Variants in MTAP observed in about 807,000 individuals in gnomAD.
The protein encoded by MTAP is methylthioadenosine phosphorylase.
In MTAP, 33 loss-of-function variants were observed where a neutral mutation model predicts 33.6. The ratio of observed to expected loss-of-function variants is 0.98; its 90% CI spans 0.74 to 1.31. The LOEUF is 1.31. MTAP is among the 40% of genes most tolerant of loss of function. The pLI, the probability that MTAP is intolerant of heterozygous loss-of-function variation, is 0.00. For missense variants in MTAP, 367 were observed against 360.0 expected, an observed-to-expected ratio of 1.02 and a Z score of -0.16; for synonymous variants, 148 against 125.7, an observed-to-expected ratio of 1.18 and a Z score of -1.19.
At chr9:21,881,379 G>C (rs939541908) in intron 1 of MTAP, among the ~76,000 whole-genome samples, 3 of 151,940 alleles carry the variant, frequency 2.0e-5, no homozygotes, top group African/African-American at 7.2e-5. Context: ...GACATCAAAA[G>C]CACAGGCAAC....
Position 21,863,945 on chromosome 9 carries a change from G to A in MTAP, c.*1931G>A. The A allele has an allele frequency of 1.0e-6, 1 of 985,742 alleles. No individual in the cohort carries two copies. The highest frequency in any genetic ancestry group is 1.2e-6 in the Non-Finnish European group (1 of 829,914). 61.1% of individuals were successfully genotyped at this position (985,742 alleles called of 1,614,324 possible). A position where few individuals can be genotyped will look rare whatever the true frequency, so the allele number is the denominator to read the frequency against. Reference sequence around the variant, plus strand: ...GATGTAGTATTAAATTTCAACTCTGGTTATCCATTAGCAATCTGTAGAGAA... The same window carrying A: ...GATGTAGTATTAAATTTCAACTCTGATTATCCATTAGCAATCTGTAGAGAA... On this transcript the variant is annotated 3_prime_UTR_variant, in exon 8 of 8. Coordinates refer to ENST00000644715, the MANE Select transcript of MTAP (RefSeq NM_002451.4).
chr9:21,869,769 C>T (rs776396202), downstream of MTAP, among the ~76,000 whole-genome samples: 1 of 152,170 alleles, frequency 6.6e-6, no homozygotes, highest in Non-Finnish European at 1.5e-5. Flanking sequence ...CTAGTCTGAG[C>T]CACTCTCATC....
chr9:21,939,085 A>G (rs989300225), downstream of MTAP, among the ~76,000 whole-genome samples: 4 of 152,270 alleles, frequency 2.6e-5, no homozygotes, highest in Middle Eastern at 3.4e-3. Flanking sequence ...TTCTCGTGAT[A>G]GTGAATAGGT....
In MTAP at chr9:21,802,870, C is replaced by A. The variant is rs940187727; in HGVS notation, c.33+89C>A. 2.6e-6 allele frequency: 4 copies of A among 1,547,020 alleles called. No homozygotes were observed. In the African/African-American group the frequency reaches 5.6e-5, roughly 22 times the overall value. ...GGGGACCGCGCCTCCGGGGGCCATG[C>A]GCCCGGCCCGTGCGTCCCTTGCCGC... On this transcript the variant is annotated intron_variant, in intron 1 of 7. Coordinates refer to ENST00000644715, the MANE Select transcript of MTAP (RefSeq NM_002451.4).
chr9:21,811,357 A>G (rs551757096), intron 1 of MTAP, among the ~76,000 whole-genome samples: 201 of 152,280 alleles, frequency 1.3e-3, no homozygotes, highest in Non-Finnish European at 2.0e-3. Flanking sequence ...GCTAGAAGTA[A>G]CTGTTCTGAC....
chr9:21,856,258 C>G, intron 6 of MTAP: 7 of 800,018 alleles, frequency 8.7e-6, no homozygotes, highest in Non-Finnish European at 1.1e-5. Flanking sequence ...TAATATTGTA[C>G]CACCGTTTTA....
rs186400556 is a variant in MTAP at position 21,806,835 on chromosome 9, C to G, written c.33+4054C>G. Among the ~76,000 whole-genome samples the G allele has an allele frequency of 6.0e-4, 92 of 152,212 alleles. 2 individuals carry two copies. The East Asian group carries it at 0.013, about 22-fold the overall frequency. On this transcript the variant is annotated intron_variant, in intron 1 of 7. Coordinates refer to ENST00000644715, the MANE Select transcript of MTAP (RefSeq NM_002451.4). ...GCTCCTGCAGTGTACCATGGCTCCC[C>G]TGGGCAGCCTCCCAGCTTTCATTCT...
chr9:21,918,126 G>T, intron 1 of MTAP, among the ~76,000 whole-genome samples: 1 of 148,058 alleles, frequency 6.8e-6, no homozygotes, highest in African/African-American at 2.6e-5. Flanking sequence ...CGAGGCGGGC[G>T]GATCACGAGG....
At chr9:21,856,489 G>C (rs762261064) in intron 6 of MTAP, among the ~76,000 whole-genome samples, 2 of 152,094 alleles carry the variant, frequency 1.3e-5, no homozygotes, top group African/African-American at 4.8e-5. Flanking sequence ...ACTCAGCCTC[G>C]TAATGTCAAG....
At chr9:21,819,827 A>G (rs1005581828) in intron 4 of MTAP, among the ~76,000 whole-genome samples, 5 of 152,172 alleles carry the variant, frequency 3.3e-5, no homozygotes, top group Non-Finnish European at 5.9e-5. Context: ...TTTAATGATC[A>G]CCATTCTAAC....
At chr9:21,847,713 G>A (rs1825416691) in intron 5 of MTAP, among the ~76,000 whole-genome samples, 1 of 152,104 alleles carries the variant, frequency 6.6e-6, no homozygotes, top group South Asian at 2.1e-4. Flanking sequence ...ATGAACTCAG[G>A]GATTGTATCT....
chr9:21,860,727 A>G (rs1054022600), intron 7 of MTAP: 1 of 152,040 alleles, frequency 6.6e-6, no homozygotes, highest in Admixed American at 6.6e-5. Flanking sequence ...GCAAAATGTC[A>G]TAGAAGTTTG....
At chr9:21,905,235 T>C (rs1227855757) in intron 1 of MTAP, among the ~76,000 whole-genome samples, 6 of 152,140 alleles carry the variant, frequency 3.9e-5, no homozygotes, top group African/African-American at 9.7e-5. Context: ...CAAGGTTTTA[T>C]TGAGTCGTGG....
intron 1 of MTAP, among the ~76,000 whole-genome samples, chr9:21,916,434 A>T (rs1376771959): frequency 6.6e-6 from 1 of 151,736 alleles, no homozygotes; most frequent in Non-Finnish European, 1.5e-5. Flanking sequence ...ATATGGTGAA[A>T]CCCCATCTCT....
chr9:21,918,662 A>G (rs1818734608), intron 1 of MTAP, among the ~76,000 whole-genome samples: 1 of 152,152 alleles, frequency 6.6e-6, no homozygotes, highest in Non-Finnish European at 1.5e-5. Context: ...GGTGGCAGGT[A>G]ATTGAATCAT....
chr9:21,806,510 G>T (rs1824211773), intron 1 of MTAP, among the ~76,000 whole-genome samples: 1 of 152,114 alleles, frequency 6.6e-6, no homozygotes, highest in African/African-American at 2.4e-5. Flanking sequence ...CCTCTTTGCT[G>T]TAGGAGCAGA....
chr9:21,841,257 C>G (rs529598718), intron 5 of MTAP, among the ~76,000 whole-genome samples: 3 of 152,216 alleles, frequency 2.0e-5, no homozygotes, highest in Non-Finnish European at 4.4e-5. Flanking sequence ...AAGCTTAGAG[C>G]CCCCTACTCC....
At chr9:21,930,278 A>G (rs1818936349) in intron 1 of MTAP, 1 of 231,024 alleles carries the variant, frequency 4.3e-6, no homozygotes. Flanking sequence ...CATCCTTGGT[A>G]TTTTTGGGGG....
intron 1 of MTAP, among the ~76,000 whole-genome samples, chr9:21,920,267 G>A (rs10965184): frequency 0.076 from 11,585 of 152,156 alleles, 1,353 homozygotes; most frequent in African/African-American, 0.25. Flanking sequence ...AGAGAGAGCT[G>A]TGAGAGTATA....
Sources: gnomAD v4.1 joint callset for allele counts (sites outside exome capture counted in the v4.1 genomes callset) on GRCh38, gnomAD v4.1.1 for gene constraint, MANE v1.5 for transcripts, NCBI Gene and HGNC (gene_info 2026-07-23, HGNC 2026-07-21) for gene names.